Variants in GRB14 observed in about 807,000 individuals in gnomAD.
GRB14 encodes growth factor receptor bound protein 14.
GRB14 carries 38 observed loss-of-function variants against 69.1 expected under a neutral mutation model. The ratio of observed to expected loss-of-function variants is 0.55; its 90% CI spans 0.42 to 0.72. The LOEUF (loss-of-function observed/expected upper bound fraction) is 0.72, where lower values mean the gene tolerates loss of function less well. Ranked by LOEUF, GRB14 falls within the 30% of genes least tolerant of loss-of-function variation. The pLI is 0.00. For synonymous variants in GRB14, 247 were observed against 241.3 expected (o/e 1.02, Z -0.22); for missense variants, 666 against 666.1 (o/e 1.00, Z 0.00).
intron 2 of GRB14, among the ~76,000 whole-genome samples, chr2:164,591,584 T>C (rs1414376162): frequency 6.6e-6 from 1 of 152,176 alleles, no homozygotes; most frequent in Non-Finnish European, 1.5e-5. Flanking sequence ...TAGGGAGACC[T>C]GATCTTCTCT....
chr2:164,584,194 A>G (rs1328597625), intron 2 of GRB14, among the ~76,000 whole-genome samples: 2 of 113,996 alleles, frequency 1.8e-5, no homozygotes, highest in Non-Finnish European at 3.4e-5. Flanking sequence ...TAGTAGAGAC[A>G]GGGTTTCACC....
chr2:164,577,834 T>C (rs567274632), intron 2 of GRB14, among the ~76,000 whole-genome samples: 2 of 152,166 alleles, frequency 1.3e-5, no homozygotes, highest in Non-Finnish European at 2.9e-5. Context: ...AAAATATAGA[T>C]TTTTTTACCT....
At position 164,524,868 on chromosome 2, in the gene GRB14, A is replaced by G. The variant is rs1194165588; in HGVS notation, c.678+136T>C. On this transcript the variant is annotated intron_variant, in intron 5 of 13. Coordinates refer to ENST00000263915, the MANE Select transcript of GRB14 (RefSeq NM_004490.3). ...CTTTGCCTGGGTGCATTTTTTTTTT[A>G]GTTTTACCTCCAGCAAAAAATATTA... 5.7e-6 allele frequency: 3 copies of G among 521,964 alleles called. No homozygotes were observed. The East Asian group carries it at 1.0e-4, about 18-fold the overall frequency. 32.3% of individuals were successfully genotyped at this position (521,964 alleles called of 1,614,324 possible). A position where few individuals can be genotyped will look rare whatever the true frequency, so the allele number is the denominator to read the frequency against.
chr2:164,502,309 A>G lies in GRB14; in HGVS notation c.1050T>C (p.Tyr350=). Residue 350 remains tyrosine, a synonymous_variant, in exon 9 of 14, where the codon TAT becomes TAC. Transcript: ENST00000263915. Reference sequence around the variant, plus strand: ...CACTTCTACCTTGATATGGATGCATATAATTCTGGTACAGCTGCATGCCAT... The same window carrying G: ...CACTTCTACCTTGATATGGATGCATGTAATTCTGGTACAGCTGCATGCCAT... ...LKYGMQLYQN[Y]MHPYQGRSGC... The G allele has an allele frequency of 1.2e-6, 2 of 1,603,714 alleles. No individual in the cohort carries two copies. The highest frequency in any genetic ancestry group is 1.7e-6 in the Non-Finnish European group (2 of 1,171,116).
At chr2:164,505,068 T>C (rs1687154660) in intron 8 of GRB14, among the ~76,000 whole-genome samples, 1 of 152,200 alleles carries the variant, frequency 6.6e-6, no homozygotes, top group Non-Finnish European at 1.5e-5. Context: ...TGCCAACACC[T>C]TGACTTAATC....
rs112452580 is a variant in GRB14 at position 164,573,982 on chromosome 2, C to G, written c.325-26166G>C. The G allele has an allele frequency of 9.5e-6, 15 of 1,586,046 alleles. No homozygotes were observed. The African/African-American group carries it at 1.2e-4, about 13-fold the overall frequency. ...AGACCAAAAGCCTTTCCTTTAGAAG[C>G]CAGATGTTGGCCATGAATATTGAGA... On this transcript the variant is annotated intron_variant, in intron 2 of 13. Transcript: ENST00000263915.
chr2:164,608,966 T>C (rs945781687), intron 2 of GRB14, among the ~76,000 whole-genome samples: 1 of 152,240 alleles, frequency 6.6e-6, no homozygotes, highest in Non-Finnish European at 1.5e-5. Context: ...TTTGCCAAAA[T>C]AGTAAGTACA....
At chr2:164,594,276 G>A (rs1180970508) in intron 2 of GRB14, among the ~76,000 whole-genome samples, 3 of 152,162 alleles carry the variant, frequency 2.0e-5, no homozygotes, top group Non-Finnish European at 4.4e-5. Flanking sequence ...GAAGACAAAA[G>A]AGGCTTTCCC....
At chr2:164,501,032 G>T (rs934274637) in intron 9 of GRB14, among the ~76,000 whole-genome samples, 1 of 151,946 alleles carries the variant, frequency 6.6e-6, no homozygotes, top group African/African-American at 2.4e-5. Context: ...GTTTAGGAAA[G>T]GATTAATATA....
Position 164,508,495 on chromosome 2 carries a change from T to G in GRB14, c.983A>C (p.Gln328Pro). Reference protein sequence around the residue: ...DLKMLCAEEEQSRTCWVTAIR... With the variant: ...DLKMLCAEEEPSRTCWVTAIR... ...CGCGGTCACCCAGCACGTCCTACTC[T>G]GCTCTTCTTCTGCACAGAGCATTTT... The change falls in exon 8 of 14, where the codon CAG (glutamine) becomes CCG (proline). Residue 328 changes from glutamine to proline, a missense_variant. Physicochemically the swap from Gln to Pro is moderately conservative, Grantham distance 76. Coordinates refer to ENST00000263915, the MANE Select transcript of GRB14 (RefSeq NM_004490.3). 6.2e-7 allele frequency: 1 copy of G among 1,614,162 alleles called. No homozygotes were observed. Among genetic ancestry groups the G allele is most frequent in the Non-Finnish European group, 8.5e-7 (1 of 1,180,006 alleles).
At chr2:164,521,135 G>A (rs1389701555) in intron 6 of GRB14, among the ~76,000 whole-genome samples, 1 of 152,066 alleles carries the variant, frequency 6.6e-6, no homozygotes, top group African/African-American at 2.4e-5. Flanking sequence ...AGTGGATAAA[G>A]AAATTGTGAG....
At chr2:164,494,396 T>C (rs756296117) in intron 13 of GRB14, 35 bp downstream of exon 13, 1 of 1,125,344 alleles carries the variant, frequency 8.9e-7, no homozygotes, top group South Asian at 1.2e-5. Flanking sequence ...TAAGGTCATT[T>C]CTAATACACA....
At chr2:164,580,050 A>G (rs1689357460) in intron 2 of GRB14, among the ~76,000 whole-genome samples, 1 of 151,912 alleles carries the variant, frequency 6.6e-6, no homozygotes, top group Non-Finnish European at 1.5e-5. Context: ...AATTCTTACT[A>G]TATCTTTACT....
At chr2:164,604,362 ATAAAAT>A (rs1438074583) in intron 2 of GRB14, among the ~76,000 whole-genome samples, 1 of 152,242 alleles carries the variant, frequency 6.6e-6, no homozygotes, top group African/African-American at 2.4e-5. Flanking sequence ...ATACAATGAA[ATAAAAT>A]TAAAATAAGT....
At chr2:164,527,484 T>C (rs550782107) in intron 3 of GRB14, among the ~76,000 whole-genome samples, 1 of 151,892 alleles carries the variant, frequency 6.6e-6, no homozygotes, top group East Asian at 1.9e-4. Context: ...ATTAAGTATA[T>C]GGGAACTATT....
chr2:164,538,178 T>C (rs571476816), intron 3 of GRB14, among the ~76,000 whole-genome samples: 2 of 152,270 alleles, frequency 1.3e-5, no homozygotes, highest in Non-Finnish European at 1.5e-5. Flanking sequence ...CACTCCACAA[T>C]GATATTCACA....
At chr2:164,529,588 T>C (rs1004016315) in intron 3 of GRB14, among the ~76,000 whole-genome samples, 8 of 152,166 alleles carry the variant, frequency 5.3e-5, no homozygotes, top group African/African-American at 1.9e-4. Flanking sequence ...TCCAATATCT[T>C]CTACTCCTGA....
At chr2:164,535,211 T>C (rs1300760396) in intron 3 of GRB14, among the ~76,000 whole-genome samples, 1 of 152,108 alleles carries the variant, frequency 6.6e-6, no homozygotes, top group Non-Finnish European at 1.5e-5. Context: ...GGTCTTATGG[T>C]AATAAAAAGA....
intron 2 of GRB14, among the ~76,000 whole-genome samples, chr2:164,588,038 T>A (rs1314429714): frequency 3.3e-5 from 5 of 152,204 alleles, no homozygotes; most frequent in African/African-American, 1.2e-4. Context: ...ATTGGAAGCA[T>A]GGTGGTCATC....
Sources: gnomAD v4.1 joint callset for allele counts (sites outside exome capture counted in the v4.1 genomes callset) on GRCh38, gnomAD v4.1.1 for gene constraint, MANE v1.5 for transcripts, NCBI Gene and HGNC (gene_info 2026-07-23, HGNC 2026-07-21) for gene names.